The following HTR3B variants were observed in gnomAD, a reference collection of about 807,000 sequenced individuals.
The protein encoded by HTR3B is 5-hydroxytryptamine receptor 3B.
A neutral mutation model predicts 42.8 loss-of-function variants in HTR3B; 44 were observed. The observed-to-expected ratio is 1.03, with a 90% confidence interval of 0.81 to 1.32. The LOEUF (loss-of-function observed/expected upper bound fraction) is 1.32, where lower values mean the gene tolerates loss of function less well. Among genes scored for constraint, HTR3B ranks in the 40% most tolerant of loss-of-function variants. The pLI, the probability that HTR3B is intolerant of heterozygous loss-of-function variation, is 0.00. For missense variants in HTR3B, 527 were observed against 536.5 expected (o/e 0.98, Z 0.17); for synonymous variants, 203 against 209.0 (o/e 0.97, Z 0.25).
chr11:113,915,533 CAGT>C (rs931038583), intron 2 of HTR3B, among the ~76,000 whole-genome samples: 5 of 152,142 alleles, frequency 3.3e-5, no homozygotes, highest in Non-Finnish European at 7.3e-5. Context: ...TTGCATAACT[CAGT>C]AGTAGTATTT....
chr11:113,929,914 A>G (rs896615365), intron 2 of HTR3B, among the ~76,000 whole-genome samples: 2 of 151,880 alleles, frequency 1.3e-5, no homozygotes, highest in Admixed American at 6.6e-5. Context: ...TGTATTTTTT[A>G]GTAGAGACGG....
intron 1 of HTR3B, among the ~76,000 whole-genome samples, chr11:113,907,778 T>C (rs994013928): frequency 1.3e-5 from 2 of 152,200 alleles, no homozygotes; most frequent in Non-Finnish European, 2.9e-5. Flanking sequence ...TATTGAAACA[T>C]ACTCATTTCG....
chr11:113,940,327 G>A (rs1057009040), intron 6 of HTR3B, among the ~76,000 whole-genome samples: 1 of 152,158 alleles, frequency 6.6e-6, no homozygotes, highest in Non-Finnish European at 1.5e-5. Context: ...AGAGTCAGCA[G>A]GGGTGGTCAC....
chr11:113,909,204 T>C, intron 1 of HTR3B, 91 bp from the exon 2 acceptor site: 1 of 999,552 alleles, frequency 1.0e-6, no homozygotes, highest in Non-Finnish European at 1.6e-6. Context: ...TATATTCTAG[T>C]AAAAGCCACC....
At chr11:113,934,244 G>C (rs993472397) in intron 6 of HTR3B, among the ~76,000 whole-genome samples, 2 of 151,938 alleles carry the variant, frequency 1.3e-5, no homozygotes, top group Admixed American at 1.3e-4. Context: ...AAAACTTGCT[G>C]GGTGTAGTGG....
rs1429175800 is a variant in HTR3B at position 113,944,618 on chromosome 11, C to T, written c.953C>T (p.Ala318Val). The T allele has an allele frequency of 6.2e-7, 1 of 1,614,076 alleles. No individual in the cohort carries two copies. The highest frequency in any genetic ancestry group is 1.1e-5 in the South Asian group (1 of 91,090). The change falls in exon 8 of 9, where the codon GCT becomes GTT. Residue 318 changes from alanine to valine, a missense_variant. Coordinates refer to ENST00000260191, the MANE Select transcript of HTR3B (RefSeq NM_006028.5). ...ICMAFLVLSL[A>V]KSIVLVKFLH... is the part of the protein sequence containing the mutation. ...ATGGCCTTCTTGGTTCTCAGCTTAGCTAAGTCCATCGTGTTGGTCAAATTC... is the reference window on the plus strand; with the variant it reads ...ATGGCCTTCTTGGTTCTCAGCTTAGTTAAGTCCATCGTGTTGGTCAAATTC...
upstream of HTR3B, chr11:113,904,706 G>T: frequency 4.1e-6 from 2 of 490,294 alleles, no homozygotes; most frequent in Non-Finnish European, 7.3e-6. Context: ...GAACCAAAGG[G>T]AGAAGTTAAG....
intron 2 of HTR3B, among the ~76,000 whole-genome samples, chr11:113,917,246 C>T (rs1176077059): frequency 2.0e-5 from 3 of 151,720 alleles, no homozygotes; most frequent in East Asian, 1.9e-4. Flanking sequence ...GATTCTCCTG[C>T]GTCAGCCTGC....
chr11:113,943,261 G>T lies in HTR3B; in HGVS notation c.907+69G>T, dbSNP rs1334322917. ...CTGTGAAAGATCTAATGCTGGCCAG[G>T]CATGGTGGCTCATGCCCGTAATATC... is the stretch of plus-strand genomic sequence containing the variant. On this transcript the variant is annotated intron_variant, in intron 7 of 8. Coordinates refer to ENST00000260191, the MANE Select transcript of HTR3B (RefSeq NM_006028.5). The T allele has an allele frequency of 5.3e-6, 7 of 1,322,390 alleles. No individual in the cohort carries two copies. In the East Asian group the frequency reaches 1.7e-4, roughly 33 times the overall value. The allele number at this position is 1,322,390 out of a possible 1,614,324, so 81.9% of individuals were successfully genotyped here.
intron 2 of HTR3B, among the ~76,000 whole-genome samples, chr11:113,917,869 T>C (rs1949872318): frequency 6.6e-6 from 1 of 152,326 alleles, no homozygotes; most frequent in South Asian, 2.1e-4. Context: ...CCACCCAAAG[T>C]GCTGGTATTA....
At chr11:113,944,896 A>T (rs1350155328) in intron 8 of HTR3B, 141 bp downstream of exon 8, 2 of 678,598 alleles carry the variant, frequency 2.9e-6, no homozygotes, top group Non-Finnish European at 4.8e-6. Context: ...GTGGCATTTT[A>T]TATTATCTCT....
chr11:113,910,440 C>G (rs1013842968), intron 2 of HTR3B, among the ~76,000 whole-genome samples: 18 of 141,600 alleles, frequency 1.3e-4, no homozygotes, highest in Admixed American at 1.1e-3. Flanking sequence ...TGATTTCTCT[C>G]TCTTTTTTTT....
chr11:113,932,137 C>G (rs1383174923), intron 4 of HTR3B, 152 bp from the exon 5 acceptor site: 8 of 675,722 alleles, frequency 1.2e-5, no homozygotes, highest in Non-Finnish European at 2.1e-5. Flanking sequence ...CTCATCTTTG[C>G]CAGGGTGAAT....
intron 2 of HTR3B, among the ~76,000 whole-genome samples, chr11:113,923,260 T>G (rs1464246364): frequency 6.6e-6 from 1 of 152,216 alleles, no homozygotes; most frequent in Non-Finnish European, 1.5e-5. Flanking sequence ...TCTGAACTGC[T>G]GGCAACTTTT....
upstream of HTR3B, among the ~76,000 whole-genome samples, chr11:113,903,480 A>C (rs1591566837): frequency 7.6e-6 from 1 of 132,036 alleles, no homozygotes; most frequent in Non-Finnish European, 1.5e-5. Flanking sequence ...CCCAGGCTGG[A>C]GTGCAGTGGC....
rs1035909234 is a variant in HTR3B, at chr11:113,945,921, G to T, written c.1110G>T (p.Glu370Asp). The T allele has an allele frequency of 6.2e-7, 1 of 1,614,064 alleles. No individual in the cohort carries two copies. The highest frequency in any genetic ancestry group is 8.5e-7 in the Non-Finnish European group (1 of 1,179,928). ...ACACAGAGTCCTCGCTGTATGGAGAGCACCTGGCCCAGCCAGGAACCCTGA... is the reference window on the plus strand; with the variant it reads ...ACACAGAGTCCTCGCTGTATGGAGATCACCTGGCCCAGCCAGGAACCCTGA... ...AVVTESSLYG[E>D]HLAQPGTLKE... The change falls in exon 9 of 9, where the codon GAG (glutamate) becomes GAT (aspartate). Residue 370 changes from glutamate to aspartate, a missense_variant. Glu to Asp is a conservative substitution (Grantham distance 45). Transcript: ENST00000260191.
chr11:113,909,487 T>C (rs1182536417), intron 2 of HTR3B, 32 bp downstream of exon 2: 2 of 1,588,650 alleles, frequency 1.3e-6, no homozygotes, highest in Non-Finnish European at 1.7e-6. Flanking sequence ...CCTATTCTTG[T>C]TAACGTCTTT....
chr11:113,905,973 C>T (rs1949730338), intron 1 of HTR3B, among the ~76,000 whole-genome samples: 1 of 152,058 alleles, frequency 6.6e-6, no homozygotes, highest in Non-Finnish European at 1.5e-5. Context: ...GAGGAAGTGT[C>T]ATTAAATGCC....
intron 6 of HTR3B, among the ~76,000 whole-genome samples, chr11:113,938,435 G>C (rs1168958132): frequency 1.3e-5 from 2 of 151,976 alleles, no homozygotes; most frequent in Non-Finnish European, 2.9e-5. Flanking sequence ...CCTTGATTAT[G>C]GTCCATTCTG....
Sources: gnomAD v4.1 joint callset for allele counts (sites outside exome capture counted in the v4.1 genomes callset) on GRCh38, gnomAD v4.1.1 for gene constraint, MANE v1.5 for transcripts, NCBI Gene and HGNC (gene_info 2026-07-23, HGNC 2026-07-21) for gene names.